The following ZFR variants were observed in gnomAD, a reference collection of about 807,000 sequenced individuals.
ZFR encodes zinc finger RNA binding protein.
ZFR carries 19 observed loss-of-function variants against 130.7 expected under a neutral mutation model. That is an observed-to-expected ratio of 0.15 (90% CI 0.10 to 0.21). ZFR has a LOEUF of 0.21. ZFR is among the 10% of genes least tolerant of loss of function. The probability of loss-of-function intolerance (pLI) is 1.00; values close to 1 mark genes in which losing one functional copy is unlikely to be tolerated. For missense variants in ZFR, 872 were observed against 1,321.5 expected (o/e 0.66, Z 5.27); for synonymous variants, 466 against 456.9 (o/e 1.02, Z -0.25).
chr5:32,356,997 C>T (rs973803904), intron 19 of ZFR, among the ~76,000 whole-genome samples: 1 of 151,790 alleles, frequency 6.6e-6, no homozygotes, highest in African/African-American at 2.4e-5. Flanking sequence ...TTGTTATTTA[C>T]AACATTTTTG....
chr5:32,355,987 T>C (rs777796841), intron 19 of ZFR, 48 bp from the exon 20 acceptor site: 2 of 1,476,228 alleles, frequency 1.4e-6, no homozygotes, highest in South Asian at 1.4e-5. Flanking sequence ...AAACCCCAAG[T>C]AGTAATACTT....
intron 16 of ZFR, chr5:32,379,769 T>A (rs558147706): frequency 4.3e-6 from 1 of 234,626 alleles, no homozygotes; most frequent in African/African-American, 2.3e-5. Flanking sequence ...TTATGGAATA[T>A]AATATATATA....
intron 2 of ZFR, among the ~76,000 whole-genome samples, chr5:32,430,359 T>C (rs1280895994): frequency 6.6e-6 from 1 of 152,022 alleles, no homozygotes; most frequent in Non-Finnish European, 1.5e-5. Flanking sequence ...TAATTAAACA[T>C]GGCTGGCAAT....
chr5:32,442,946 C>T (rs1754505374), intron 2 of ZFR, among the ~76,000 whole-genome samples: 5 of 145,584 alleles, frequency 3.4e-5, no homozygotes, highest in Admixed American at 2.8e-4. Context: ...TGGCTCATGC[C>T]GGTAATCCTA....
chr5:32,388,062 A>G (rs1753077693), intron 13 of ZFR, among the ~76,000 whole-genome samples: 1 of 151,994 alleles, frequency 6.6e-6, no homozygotes, highest in African/African-American at 2.4e-5. Context: ...TGACATAAAG[A>G]CATTACTAAA....
chr5:32,389,155 C>T (rs1408178785), intron 12 of ZFR, among the ~76,000 whole-genome samples: 1 of 152,160 alleles, frequency 6.6e-6, no homozygotes, highest in East Asian at 1.9e-4. Flanking sequence ...CCAGCTTCTG[C>T]ATCTCTCAAG....
Position 32,412,987 on chromosome 5 carries a change from C to T in ZFR, c.784+1982G>A, listed in dbSNP as rs187160308. On this transcript the variant is annotated intron_variant, in intron 5 of 19. Coordinates refer to ENST00000265069, the MANE Select transcript of ZFR (RefSeq NM_016107.5). ...GGCGGATCACTTGAGGTTAGGAGTT[C>T]GAGACCAGCCTGCCAACATGGCGAA... Among the ~76,000 whole-genome samples the T allele has an allele frequency of 2.6e-4, 40 of 152,102 alleles. No individual in the cohort carries two copies. In the East Asian group the frequency reaches 7.4e-3, roughly 28 times the overall value.
At chr5:32,442,669 T>C (rs1407603154) in intron 2 of ZFR, among the ~76,000 whole-genome samples, 1 of 152,256 alleles carries the variant, frequency 6.6e-6, no homozygotes, top group South Asian at 2.1e-4. Flanking sequence ...TGCACATTTA[T>C]ACATTTTGAC....
rs553187466 is a variant in ZFR at position 32,378,875 on chromosome 5, A to C, written c.2835+240T>G. Among the ~76,000 whole-genome samples the C allele has an allele frequency of 1.8e-4, 28 of 151,666 alleles. 1 individual carries two copies. In the South Asian group the frequency reaches 5.8e-3, roughly 32 times the overall value. On this transcript the variant is annotated intron_variant, in intron 17 of 19. Transcript: ENST00000265069. ...TAAATGCTGTAATATTAAAAAAAAA[A>C]CACTGTGAAAACAGCAAAAAGAAAA...
In ZFR at chr5:32,415,147, A is replaced by T. The variant is rs1471671822; in HGVS notation, c.606T>A (p.Thr202=). The T allele has an allele frequency of 1.2e-6, 2 of 1,613,952 alleles. No individual in the cohort carries two copies. The highest frequency in any genetic ancestry group is 1.3e-5 in the African/African-American group (1 of 74,878). ...TCACTTGTCGAGTTTGCTGGGCTTG[A>T]GTATACTGAGTTGCACCTTGGCTGT... ...AGYSQGATQY[T]QAQQTRQVTA... Residue 202 remains threonine, a synonymous_variant, in exon 5 of 20, where the codon ACT becomes ACA. Coordinates refer to ENST00000265069, the MANE Select transcript of ZFR (RefSeq NM_016107.5).
chr5:32,443,786 C>G (rs1156521475), intron 2 of ZFR, among the ~76,000 whole-genome samples: 1 of 152,252 alleles, frequency 6.6e-6, no homozygotes, highest in Non-Finnish European at 1.5e-5. Flanking sequence ...GCCAGTGGAC[C>G]TGCGACACGG....
At chr5:32,383,207 C>A (rs975306074) in intron 15 of ZFR, among the ~76,000 whole-genome samples, 2 of 152,134 alleles carry the variant, frequency 1.3e-5, no homozygotes, top group Non-Finnish European at 2.9e-5. Flanking sequence ...ACAATAAATG[C>A]CAGGCTCTGC....
intron 9 of ZFR, among the ~76,000 whole-genome samples, chr5:32,397,741 C>T (rs1269299216): frequency 6.6e-6 from 1 of 151,794 alleles, no homozygotes; most frequent in East Asian, 1.9e-4. Flanking sequence ...AGGCATGAGC[C>T]ACTGCGCCTG....
Position 32,395,315 on chromosome 5 carries a change from A to G in ZFR, c.1834-11T>C. On this transcript the variant is annotated splice_polypyrimidine_tract_variant and intron_variant, in intron 10 of 19. Coordinates refer to ENST00000265069, the MANE Select transcript of ZFR (RefSeq NM_016107.5). Reference sequence around the variant, plus strand: ...TGGATTTACTTTTTTCTATTAATATAAATAAGACATTTAAAAAACAGCAGC... The same window carrying G: ...TGGATTTACTTTTTTCTATTAATATGAATAAGACATTTAAAAAACAGCAGC... The G allele has an allele frequency of 3.9e-6, 6 of 1,531,634 alleles. No homozygotes were observed. Among genetic ancestry groups the G allele is most frequent in the Non-Finnish European group, 4.4e-6 (5 of 1,143,770 alleles). 94.9% of individuals were successfully genotyped at this position (1,531,634 alleles called of 1,614,324 possible).
chr5:32,418,880 T>C (rs147548355), intron 3 of ZFR, among the ~76,000 whole-genome samples: 1 of 152,250 alleles, frequency 6.6e-6, no homozygotes, highest in African/African-American at 2.4e-5. Context: ...TTAATTTAAA[T>C]AAGCAAGTAG....
chr5:32,400,668 G>T (rs1285318652), intron 8 of ZFR, among the ~76,000 whole-genome samples: 2 of 152,152 alleles, frequency 1.3e-5, no homozygotes, highest in Admixed American at 1.3e-4. Context: ...TTTGAGACCA[G>T]CCGGGGGAAC....
Position 32,380,069 on chromosome 5 carries a change from C to A in ZFR, c.2739+6G>T. 1 of 1,612,558 alleles carries A rather than the reference C, an allele frequency of 6.2e-7. No homozygotes were observed. The highest frequency in any genetic ancestry group is 8.5e-7 in the Non-Finnish European group (1 of 1,178,796). ...TACAAGAAAAAAGTAAAATGATGTTCCGAACCTGGAACCACTTAGCGTGGC... is the reference window on the plus strand; with the variant it reads ...TACAAGAAAAAAGTAAAATGATGTTACGAACCTGGAACCACTTAGCGTGGC... On this transcript the variant is annotated splice_donor_region_variant and intron_variant, in intron 16 of 19. Transcript: ENST00000265069.
At chr5:32,431,842 GTTT>G (rs1754231982) in intron 2 of ZFR, among the ~76,000 whole-genome samples, 1 of 150,894 alleles carries the variant, frequency 6.6e-6, no homozygotes. Flanking sequence ...TTTTTGTTTT[GTTT>G]TTGTTTTTTA....
At chr5:32,360,032 A>G (rs1752397798) in intron 19 of ZFR, among the ~76,000 whole-genome samples, 1 of 152,222 alleles carries the variant, frequency 6.6e-6, no homozygotes, top group Non-Finnish European at 1.5e-5. Flanking sequence ...GTATGTAAGA[A>G]TATCTTTGGC....
Sources: allele counts gnomAD v4.1 joint callset (sites outside exome capture counted in the v4.1 genomes callset), GRCh38; gene constraint gnomAD v4.1.1; transcripts MANE v1.5; gene names NCBI Gene and HGNC (gene_info 2026-07-23, HGNC 2026-07-21).